SLC6A16: variants seen among roughly 807,000 people sequenced by gnomAD.
The protein encoded by SLC6A16 is orphan sodium- and chloride-dependent neurotransmitter transporter NTT5.
A neutral mutation model predicts 65.4 loss-of-function variants in SLC6A16; 54 were observed. The observed-to-expected ratio is 0.83, with a 90% CI of 0.66 to 1.04. The LOEUF (loss-of-function observed/expected upper bound fraction) is 1.04, where lower values mean the gene tolerates loss of function less well. Ranked by LOEUF, SLC6A16 falls within the 50% of genes least tolerant of loss-of-function variation. SLC6A16 has a pLI of 0.00. For synonymous variants in SLC6A16, 330 were observed against 346.5 expected (o/e 0.95, Z 0.53); for missense variants, 816 against 914.0 (o/e 0.89, Z 1.38).
rs1970129061 is a variant in SLC6A16 at position 49,293,880 on chromosome 19, G to A, written c.1565C>T (p.Thr522Ile). The change falls in exon 9 of 12, where the codon ACT becomes ATT. Residue 522 changes from threonine to isoleucine, a missense_variant. Transcript: ENST00000335875. ...SAIGIMQGIITPLQDTFSFFR... is the reference protein window; with the variant it reads ...SAIGIMQGIIIPLQDTFSFFR... ...GAAAGAGAAGGTGTCCTGGAGTGGA[G>A]TAATGATGCCCTGCATAATCCCTAT... The A allele has an allele frequency of 6.2e-6, 10 of 1,613,990 alleles. No individual in the cohort carries two copies. The highest frequency in any genetic ancestry group is 1.3e-5 in the African/African-American group (1 of 74,916).
At chr19:49,322,676 A>G (rs1970731978) in intron 1 of SLC6A16, among the ~76,000 whole-genome samples, 1 of 151,584 alleles carries the variant, frequency 6.6e-6, no homozygotes, top group South Asian at 2.1e-4. Flanking sequence ...GGTGAAAGAC[A>G]TGTACAAAGA....
At chr19:49,310,330 C>A in intron 3 of SLC6A16, 23 bp downstream of exon 3, 1 of 1,613,172 alleles carries the variant, frequency 6.2e-7, no homozygotes, top group South Asian at 1.1e-5. Flanking sequence ...AAAGTCAGGC[C>A]TGGGCAGCCA....
the SLC6A16 span, chr19:49,335,764 G>A: frequency 5.0e-6 from 8 of 1,610,964 alleles, no homozygotes; most frequent in East Asian, 1.8e-4. The surrounding 1 kb of genome is among the most constrained non-coding windows in gnomAD (Gnocchi z 4.6). Context: ...TCATTGACAA[G>A]ACCAGCTTCG....
the SLC6A16 span, chr19:49,337,580 G>T: frequency 2.2e-6 from 3 of 1,338,848 alleles, no homozygotes; most frequent in African/African-American, 4.4e-5. Context: ...CATGCACTCA[G>T]CCTGGGTGAC....
At chr19:49,293,010 C>T in intron 10 of SLC6A16, 2 of 487,790 alleles carry the variant, frequency 4.1e-6, no homozygotes, top group Non-Finnish European at 3.6e-6. Context: ...TTATTCAATG[C>T]CCCTATCCCT....
chr19:49,290,855 C>A, intron 10 of SLC6A16, 88 bp from the exon 11 acceptor site: 1 of 1,082,166 alleles, frequency 9.2e-7, no homozygotes, highest in Non-Finnish European at 1.3e-6. Flanking sequence ...ATCTTTCAAA[C>A]ATTCTATTGT....
chr19:49,291,142 C>G (rs937818948), intron 10 of SLC6A16, among the ~76,000 whole-genome samples: 1 of 152,082 alleles, frequency 6.6e-6, no homozygotes, highest in African/African-American at 2.4e-5. Flanking sequence ...CCTTGGTGAA[C>G]TTATCTAGTT....
chr19:49,337,650 G>A, the SLC6A16 span: 3 of 1,513,560 alleles, frequency 2.0e-6, no homozygotes, highest in East Asian at 2.5e-5. Context: ...CTGGACCAAG[G>A]GAGACAGGCA....
the SLC6A16 span, chr19:49,338,160 G>T: frequency 6.9e-7 from 1 of 1,457,314 alleles, no homozygotes; most frequent in Non-Finnish European, 9.0e-7. This position sits in a 1 kb window ranked among gnomAD's most constrained non-coding sequence, Gnocchi z 5.0. Context: ...TCCCAGGCCC[G>T]ACGCTCCCCA....
In SLC6A16 at chr19:49,310,318, TAA is replaced by T. The variant is rs755359860; in HGVS notation, c.573+33_573+34del. ...GGAGGGTTGGGATGGCGGTGGGGTG[TAA>T]AAGTCAGGCCTGGGCAGCCATGGGC... is the stretch of plus-strand genomic sequence containing the variant. On this transcript the variant is annotated intron_variant, in intron 3 of 11. Coordinates refer to ENST00000335875, the MANE Select transcript of SLC6A16 (RefSeq NM_014037.3). 9 of 1,611,588 alleles carry T rather than the reference TAA, an allele frequency of 5.6e-6. No individual in the cohort carries two copies. In the South Asian group the frequency reaches 9.9e-5, roughly 18 times the overall value.
the SLC6A16 span, chr19:49,331,666 T>C: frequency 2.3e-6 from 1 of 432,682 alleles, no homozygotes; most frequent in South Asian, 1.6e-5. Context: ...CTCAGCTTCC[T>C]GCAGCCAGTG....
At chr19:49,338,926 T>A in the SLC6A16 span, 1 of 1,612,362 alleles carries the variant, frequency 6.2e-7, no homozygotes, top group East Asian at 2.2e-5. The surrounding 1 kb of genome is among the most constrained non-coding windows in gnomAD (Gnocchi z 5.0). Flanking sequence ...GAGAGCCACA[T>A]CTACCGCGAG....
chr19:49,304,428 T>C (rs7247095), intron 7 of SLC6A16, among the ~76,000 whole-genome samples: 7,744 of 152,226 alleles, frequency 0.051, 626 homozygotes, highest in African/African-American at 0.18. Context: ...TCAAGGAAAA[T>C]TATTTCAAAA....
chr19:49,313,623 T>C (rs1260858664), intron 1 of SLC6A16, among the ~76,000 whole-genome samples: 1 of 57,986 alleles, frequency 1.7e-5, no homozygotes, highest in Non-Finnish European at 3.4e-5. Context: ...CTACTAAAAA[T>C]GCAAAAAAAA....
the SLC6A16 span, chr19:49,337,804 A>G: frequency 6.4e-7 from 1 of 1,559,756 alleles, no homozygotes; most frequent in Admixed American, 1.9e-5. Context: ...AGAGCTAGCC[A>G]TTCAGTAAGG....
the SLC6A16 span, among the ~76,000 whole-genome samples, chr19:49,332,583 T>C: frequency 2.0e-5 from 3 of 151,558 alleles, 1 homozygote; most frequent in Non-Finnish European, 2.9e-5. Flanking sequence ...AAACAGACAC[T>C]TGTCATCAGA....
chr19:49,332,526 C>G, the SLC6A16 span, among the ~76,000 whole-genome samples: 3 of 152,112 alleles, frequency 2.0e-5, no homozygotes, highest in Non-Finnish European at 4.4e-5. Context: ...CCACAGCACT[C>G]CAGCCTGGGT....
chr19:49,299,206 T>A (rs354010), intron 7 of SLC6A16, among the ~76,000 whole-genome samples: 118,537 of 149,448 alleles, frequency 0.79, 47,522 homozygotes, highest in African/African-American at 0.92. Context: ...AGATCGCACC[T>A]CTGCAGTCCA....
At chr19:49,294,936 G>C (rs1970157208) in intron 7 of SLC6A16, among the ~76,000 whole-genome samples, 1 of 152,062 alleles carries the variant, frequency 6.6e-6, no homozygotes. Context: ...TGATCATAAT[G>C]TCCCATGGAG....
Sources: allele counts gnomAD v4.1 joint callset (sites outside exome capture counted in the v4.1 genomes callset), GRCh38; gene constraint gnomAD v4.1.1; non-coding constraint Gnocchi (gnomAD v3.1); transcripts MANE v1.5; gene names NCBI Gene and HGNC (gene_info 2026-07-23, HGNC 2026-07-21).